The following PRKD1 variants were observed in gnomAD, a reference collection of about 807,000 sequenced individuals.
PRKD1 encodes the protein serine/threonine-protein kinase D1.
PRKD1 carries 63 observed loss-of-function variants against 95.9 expected under a neutral mutation model. That is an observed-to-expected ratio of 0.66 (90% CI 0.54 to 0.81). The LOEUF is 0.81. PRKD1 is among the 30% of genes least tolerant of loss of function. The pLI, the probability that PRKD1 is intolerant of heterozygous loss-of-function variation, is 0.00. For synonymous variants in PRKD1, 425 were observed against 423.1 expected, an observed-to-expected ratio of 1.00 and a Z score of -0.05; for missense variants, 1,048 against 1,165.3, an observed-to-expected ratio of 0.90 and a Z score of 1.47.
intron 13 of PRKD1, among the ~76,000 whole-genome samples, chr14:29,607,934 T>C (rs1412909789): frequency 1.3e-5 from 2 of 152,350 alleles, no homozygotes; most frequent in East Asian, 3.9e-4. Flanking sequence ...TTGGTCTGCC[T>C]AACACATTCC....
chr14:29,608,440 C>T (rs568753196), intron 13 of PRKD1, among the ~76,000 whole-genome samples: 18 of 151,702 alleles, frequency 1.2e-4, no homozygotes, highest in Admixed American at 1.2e-3. Context: ...TATTCTTATG[C>T]TGATATATAA....
intron 1 of PRKD1, among the ~76,000 whole-genome samples, chr14:29,850,321 A>G: frequency 6.6e-6 from 1 of 152,206 alleles, no homozygotes; most frequent in East Asian, 1.9e-4. Context: ...GATCCCATCA[A>G]AAGGCTTCTG....
rs1002593054 is a variant in PRKD1 at position 29,616,201 on chromosome 14, T to C, written c.1905+7951A>G. 4.6e-5 allele frequency among the ~76,000 whole-genome samples: 4 copies of C among 86,756 alleles called. No homozygotes were observed. In the Admixed American group the frequency reaches 5.5e-4, roughly 12 times the overall value. 56.9% of individuals were successfully genotyped at this position (86,756 alleles called of 152,430 possible). On this transcript the variant is annotated intron_variant, in intron 13 of 17. Transcript: ENST00000331968. The stretch of plus-strand genomic sequence containing the variant: ...TACAGGGATGAAGTGAGAAGAGAGA[T>C]TTAAAAAGGAACAAGTGAGCCTTAG...
intron 1 of PRKD1, among the ~76,000 whole-genome samples, chr14:29,838,590 T>C (rs1036048324): frequency 3.9e-5 from 6 of 152,210 alleles, no homozygotes; most frequent in African/African-American, 7.2e-5. Context: ...TTGCTGCTTA[T>C]TGAGTTGTCT....
chr14:29,788,349 C>G (rs1326790314), intron 1 of PRKD1, among the ~76,000 whole-genome samples: 4 of 152,104 alleles, frequency 2.6e-5, no homozygotes, highest in Admixed American at 1.3e-4. Context: ...TTAGAATTCT[C>G]TCTTTGTCTG....
chr14:29,577,530 T>A (rs1892599718), intron 17 of PRKD1, 74 bp from the exon 18 acceptor site: 1 of 1,414,686 alleles, frequency 7.1e-7, no homozygotes, highest in African/African-American at 1.4e-5. Flanking sequence ...GATGTCAGTT[T>A]CTGCAATCTA....
chr14:29,581,991 C>T (rs1892771152), intron 16 of PRKD1, among the ~76,000 whole-genome samples: 2 of 152,044 alleles, frequency 1.3e-5, no homozygotes, highest in African/African-American at 2.4e-5. Flanking sequence ...CTATGTAGCT[C>T]ATATTTACCA....
intron 16 of PRKD1, among the ~76,000 whole-genome samples, chr14:29,581,017 C>T (rs1325175152): frequency 2.0e-5 from 3 of 151,220 alleles, no homozygotes; most frequent in African/African-American, 4.9e-5. Flanking sequence ...AATCTTTGAC[C>T]TTTAATTCAT....
intron 2 of PRKD1, among the ~76,000 whole-genome samples, chr14:29,672,532 A>G (rs559306908): frequency 7.6e-4 from 116 of 152,198 alleles, no homozygotes; most frequent in African/African-American, 2.4e-3. Flanking sequence ...ATCCTTATTA[A>G]ATCTCTGGTG....
chr14:29,802,767 A>G (rs1033107378), intron 1 of PRKD1, among the ~76,000 whole-genome samples: 3 of 152,198 alleles, frequency 2.0e-5, no homozygotes, highest in African/African-American at 7.2e-5. Context: ...CCAATTCCTT[A>G]TGTTTCAATT....
intron 9 of PRKD1, among the ~76,000 whole-genome samples, chr14:29,632,525 T>C (rs1880074455): frequency 6.6e-6 from 1 of 152,120 alleles, no homozygotes; most frequent in South Asian, 2.1e-4. Flanking sequence ...ATGCAGTGGA[T>C]ATCAGGAGTT....
intron 4 of PRKD1, 45 bp downstream of exon 4, chr14:29,663,654 A>G (rs2139211310): frequency 6.3e-7 from 1 of 1,595,222 alleles, no homozygotes; most frequent in Admixed American, 1.7e-5. Context: ...ATCACCCCAC[A>G]GATTTCTCAT....
In PRKD1 at chr14:29,612,371, T is replaced by C. The variant is rs7144958; in HGVS notation, c.1905+11781A>G. 3.8e-3 allele frequency among the ~76,000 whole-genome samples: 582 copies of C among 152,338 alleles called. 4 individuals carry two copies. The highest frequency in any genetic ancestry group is 0.013 in the African/African-American group (550 of 41,580). ...ATTTTCTTGATGAAAAAATGTGTTT[T>C]CACCTCTTCTGTGAAGGGGTTCAAA... On this transcript the variant is annotated intron_variant, in intron 13 of 17. Transcript: ENST00000331968.
At chr14:29,606,040 T>C (rs906176393) in intron 13 of PRKD1, among the ~76,000 whole-genome samples, 3 of 152,146 alleles carry the variant, frequency 2.0e-5, no homozygotes, top group African/African-American at 4.8e-5. Flanking sequence ...GGAGACAGAT[T>C]CTCACTCTCT....
intron 2 of PRKD1, among the ~76,000 whole-genome samples, chr14:29,705,769 G>A (rs1885056591): frequency 6.6e-6 from 1 of 151,870 alleles, no homozygotes; most frequent in Non-Finnish European, 1.5e-5. Context: ...ATAATGTTTT[G>A]CAGGTTCATC....
At chr14:29,618,781 G>GAAAAA (rs34636619) in intron 13 of PRKD1, among the ~76,000 whole-genome samples, 1 of 145,442 alleles carries the variant, frequency 6.9e-6, no homozygotes. Flanking sequence ...AAATGAAATG[G>GAAAAA]AAAAAAAAAA....
At chr14:29,656,079 C>G (rs1244140340) in intron 4 of PRKD1, among the ~76,000 whole-genome samples, 3 of 151,998 alleles carry the variant, frequency 2.0e-5, no homozygotes, top group Non-Finnish European at 4.4e-5. Flanking sequence ...TTCCAATGTG[C>G]ATAAGATTCA....
At chr14:29,820,940 A>C (rs1241901293) in intron 1 of PRKD1, among the ~76,000 whole-genome samples, 1 of 152,154 alleles carries the variant, frequency 6.6e-6, no homozygotes, top group East Asian at 1.9e-4. Context: ...GATGAGATGT[A>C]ATGGGGGAAT....
chr14:29,880,844 G>A (rs1286061529), intron 1 of PRKD1, among the ~76,000 whole-genome samples: 1 of 152,178 alleles, frequency 6.6e-6, no homozygotes, highest in Non-Finnish European at 1.5e-5. Flanking sequence ...CTGCCCTGCT[G>A]GATTTCGGAC....
Sources: gnomAD v4.1 joint callset for allele counts (sites outside exome capture counted in the v4.1 genomes callset) on GRCh38, gnomAD v4.1.1 for gene constraint, MANE v1.5 for transcripts, NCBI Gene and HGNC (gene_info 2026-07-23, HGNC 2026-07-21) for gene names.